FBXL13: variants seen among roughly 807,000 people sequenced by gnomAD.
FBXL13 encodes the protein F-box and leucine rich repeat protein 13, also known as F-box and leucine-rich repeat protein 13.
A neutral mutation model predicts 83.6 loss-of-function variants in FBXL13; 67 were observed. The ratio of observed to expected loss-of-function variants is 0.80; its 90% CI spans 0.66 to 0.98. FBXL13 has a LOEUF of 0.98. Among genes scored for constraint, FBXL13 ranks in the 50% least tolerant of loss-of-function variants. The probability of loss-of-function intolerance (pLI) is 0.00; values close to 1 mark genes in which losing one functional copy is unlikely to be tolerated. For missense variants in FBXL13, 822 were observed against 866.5 expected, an observed-to-expected ratio of 0.95 and a Z score of 0.64; for synonymous variants, 272 against 299.5, an observed-to-expected ratio of 0.91 and a Z score of 0.95.
At chr7:102,994,763 C>T (rs1274983432) in intron 6 of FBXL13, among the ~76,000 whole-genome samples, 26 of 152,172 alleles carry the variant, frequency 1.7e-4, no homozygotes, top group Non-Finnish European at 3.5e-4. Context: ...TTGGTCAATG[C>T]TGCTGGCTTC....
chr7:102,864,993 A>G (rs566170390), intron 16 of FBXL13, among the ~76,000 whole-genome samples: 2 of 152,304 alleles, frequency 1.3e-5, no homozygotes, highest in African/African-American at 4.8e-5. Context: ...TTAACTATAC[A>G]GTGATGTTGC....
intron 18 of FBXL13, among the ~76,000 whole-genome samples, chr7:102,830,095 G>A (rs76761058): frequency 0.018 from 2,738 of 152,202 alleles, 74 homozygotes; most frequent in African/African-American, 0.063. Flanking sequence ...ACAGAGTGAT[G>A]CATTTCTTGC....
At chr7:102,829,147 C>A (rs80112170) in intron 18 of FBXL13, among the ~76,000 whole-genome samples, 1 of 152,164 alleles carries the variant, frequency 6.6e-6, no homozygotes, top group Non-Finnish European at 1.5e-5. Context: ...CCCTCAGCTG[C>A]GGTGCAAGTG....
At chr7:103,068,293 T>A (rs1798588332) in intron 1 of FBXL13, among the ~76,000 whole-genome samples, 2 of 152,152 alleles carry the variant, frequency 1.3e-5, no homozygotes, top group South Asian at 4.1e-4. Flanking sequence ...TCTGATGTTA[T>A]GAACTACAAA....
At chr7:102,995,830 T>G (rs1384855263) in intron 6 of FBXL13, among the ~76,000 whole-genome samples, 1 of 130,690 alleles carries the variant, frequency 7.7e-6, no homozygotes, top group Admixed American at 7.8e-5. Flanking sequence ...GGCATAGTCA[T>G]AAACCATAAC....
chr7:103,038,215 T>C (rs1042299454), intron 2 of FBXL13, among the ~76,000 whole-genome samples: 1 of 152,222 alleles, frequency 6.6e-6, no homozygotes, highest in Non-Finnish European at 1.5e-5. Flanking sequence ...CGCAGCAGTC[T>C]GAGATCGACC....
chr7:102,820,649 T>C (rs1472470090), intron 19 of FBXL13, among the ~76,000 whole-genome samples: 1 of 152,172 alleles, frequency 6.6e-6, no homozygotes, highest in Non-Finnish European at 1.5e-5. Context: ...GACTGGGTAA[T>C]TTATAAAGAA....
chr7:103,061,092 A>C (rs753882104), intron 1 of FBXL13, among the ~76,000 whole-genome samples: 1 of 152,180 alleles, frequency 6.6e-6, no homozygotes, highest in African/African-American at 2.4e-5. Flanking sequence ...ATTCCGGAAG[A>C]TTACTGAAAG....
intron 6 of FBXL13, among the ~76,000 whole-genome samples, chr7:102,985,827 C>G (rs1404268621): frequency 6.6e-6 from 1 of 152,146 alleles, no homozygotes; most frequent in African/African-American, 2.4e-5. Flanking sequence ...CAAACAAACC[C>G]AATCTCAAAT....
At chr7:102,968,510 C>T (rs1434487055) in intron 6 of FBXL13, among the ~76,000 whole-genome samples, 1 of 152,138 alleles carries the variant, frequency 6.6e-6, no homozygotes, top group Admixed American at 6.5e-5. Flanking sequence ...AACTAAACTA[C>T]ATTCCTTCTA....
intron 18 of FBXL13, among the ~76,000 whole-genome samples, chr7:102,822,714 G>A (rs528198215): frequency 6.6e-6 from 1 of 152,194 alleles, no homozygotes; most frequent in African/African-American, 2.4e-5. Context: ...ATTCAAGTGA[G>A]TTGTTTAACT....
At chr7:102,990,556 A>G (rs1829455523) in intron 6 of FBXL13, among the ~76,000 whole-genome samples, 1 of 152,210 alleles carries the variant, frequency 6.6e-6, no homozygotes, top group Non-Finnish European at 1.5e-5. Context: ...TCCTCAAGGC[A>G]CATATAGTCC....
At chr7:102,824,958 T>C (rs530019083) in intron 18 of FBXL13, among the ~76,000 whole-genome samples, 44 of 152,292 alleles carry the variant, frequency 2.9e-4, no homozygotes, top group African/African-American at 1.0e-3. Flanking sequence ...TAGTGCATTC[T>C]TATACTACTT....
chr7:103,023,289 C>T (rs1353756909), intron 6 of FBXL13, among the ~76,000 whole-genome samples: 2 of 151,516 alleles, frequency 1.3e-5, no homozygotes, highest in South Asian at 2.1e-4. Context: ...CAAAACAAAA[C>T]AAAACAGAAC....
intron 17 of FBXL13, among the ~76,000 whole-genome samples, chr7:102,842,802 C>T (rs1365571508): frequency 6.6e-6 from 1 of 152,208 alleles, no homozygotes; most frequent in Admixed American, 6.5e-5. Flanking sequence ...TTCCATAGCA[C>T]AGATAGTCCA....
At position 103,027,773 on chromosome 7, in the gene FBXL13, T is replaced by A. The variant is rs1585433171; in HGVS notation, c.218-215A>T. ...AAACATCACCTTTGCCCTTAGAAAT[T>A]AAGATGTAAAACTGCAATAGAAATG... On this transcript the variant is annotated intron_variant, in intron 4 of 19. Transcript: ENST00000313221. Among the ~76,000 whole-genome samples, 10 of 152,302 alleles carry A rather than the reference T, an allele frequency of 6.6e-5. 2 individuals carry two copies. Among genetic ancestry groups the A allele is most frequent in the Admixed American group, 5.9e-4 (9 of 15,302 alleles).
chr7:102,812,692 T>C (rs1797495680), downstream of FBXL13, among the ~76,000 whole-genome samples: 1 of 152,166 alleles, frequency 6.6e-6, no homozygotes, highest in Admixed American at 6.5e-5. Context: ...CTTTTTCCTT[T>C]CTAAAGAAAA....
chr7:102,977,817 A>G (rs1827682604), intron 6 of FBXL13, among the ~76,000 whole-genome samples: 1 of 152,222 alleles, frequency 6.6e-6, no homozygotes, highest in African/African-American at 2.4e-5. Context: ...ATGAAGCTGG[A>G]AACCATCATT....
chr7:103,055,865 T>G (rs1797284393), intron 1 of FBXL13, 118 bp from the exon 2 acceptor site: 1 of 437,756 alleles, frequency 2.3e-6, no homozygotes, highest in East Asian at 7.4e-5. Context: ...AATTATTTAT[T>G]TCCATAGGTT....
Sources: gnomAD v4.1 joint callset for allele counts (sites outside exome capture counted in the v4.1 genomes callset) on GRCh38, gnomAD v4.1.1 for gene constraint, MANE v1.5 for transcripts, NCBI Gene and HGNC (gene_info 2026-07-23, HGNC 2026-07-21) for gene names.